Variants in ENOSF1 observed in about 807,000 individuals in gnomAD.
ENOSF1 encodes the protein mitochondrial enolase superfamily member 1.
Under a neutral mutation model 68.2 loss-of-function variants are expected in ENOSF1, and 73 were observed. The ratio of observed to expected loss-of-function variants is 1.07; its 90% CI spans 0.89 to 1.30. The LOEUF is 1.30. ENOSF1 is among the 50% of genes most tolerant of loss of function. The probability of loss-of-function intolerance (pLI) is 0.00; values close to 1 mark genes in which losing one functional copy is unlikely to be tolerated. For synonymous variants in ENOSF1, 223 were observed against 210.4 expected, an observed-to-expected ratio of 1.06 and a Z score of -0.52; for missense variants, 589 against 554.5, an observed-to-expected ratio of 1.06 and a Z score of -0.62.
chr18:686,386 G>T lies in ENOSF1; in HGVS notation c.654-378C>A, dbSNP rs145552310. ...GTGCCGAGTAAGCCACACTGTGATAGACTGAATGGAAAGGGTCTGGTTTAC... is the reference window on the plus strand; with the variant it reads ...GTGCCGAGTAAGCCACACTGTGATATACTGAATGGAAAGGGTCTGGTTTAC... On this transcript the variant is annotated intron_variant, in intron 9 of 15. Coordinates refer to ENST00000647584, the MANE Select transcript of ENOSF1 (RefSeq NM_017512.7). 9.3e-4 allele frequency: 188 copies of T among 201,798 alleles called. 1 individual carries two copies. Among genetic ancestry groups the T allele is most frequent in the African/African-American group, 4.1e-3 (176 of 43,230 alleles). 12.5% of individuals were successfully genotyped at this position (201,798 alleles called of 1,614,324 possible).
rs1432730016 is a variant in ENOSF1 at position 672,536 on chromosome 18, G to C, written c.*1769C>G. 1 of 184,358 alleles carries C rather than the reference G, an allele frequency of 5.4e-6. No individual in the cohort carries two copies. Among genetic ancestry groups the C allele is most frequent in the Admixed American group, 5.7e-5 (1 of 17,550 alleles). The allele number at this position is 184,358 out of a possible 1,614,324, so 11.4% of individuals were successfully genotyped here. On this transcript the variant is annotated 3_prime_UTR_variant, in exon 16 of 16. Transcript: ENST00000647584. ...GGATTGTGGAATTCAAGTAAACGTA[G>C]AGCTACTATGAGTTACAGATTGACT...
intron 1 of ENOSF1, among the ~76,000 whole-genome samples, chr18:710,666 C>T (rs1568155664): frequency 6.6e-6 from 1 of 152,236 alleles, no homozygotes; most frequent in Non-Finnish European, 1.5e-5. Flanking sequence ...GCCCTCATGC[C>T]TGGCCTATAG....
At chr18:694,185 C>T in intron 4 of ENOSF1, 63 bp downstream of exon 4, 9 of 1,483,800 alleles carry the variant, frequency 6.1e-6, no homozygotes, top group Admixed American at 3.5e-5. Context: ...TTCCTCTGTG[C>T]GTAGGGAAAG....
At chr18:682,715 C>CA (rs35814994) in intron 11 of ENOSF1, among the ~76,000 whole-genome samples, 5,707 of 56,578 alleles carry the variant, frequency 0.1, 252 homozygotes, top group African/African-American at 0.16. Flanking sequence ...CTAAAAATAC[C>CA]AAAAAAAAAA....
chr18:706,645 G>A, intron 1 of ENOSF1, 67 bp from the exon 2 acceptor site: 9 of 1,187,492 alleles, frequency 7.6e-6, no homozygotes, highest in Non-Finnish European at 1.0e-5. Context: ...CCATGAGAAT[G>A]ATGTCACATG....
intron 5 of ENOSF1, chr18:692,704 A>G (rs747723570): frequency 3.0e-6 from 3 of 990,002 alleles, no homozygotes; most frequent in Non-Finnish European, 3.6e-6. Context: ...CCTCAGGCAC[A>G]TTTCTGGTGG....
At chr18:675,108 G>C (rs1465906943) in intron 15 of ENOSF1, among the ~76,000 whole-genome samples, 2 of 152,244 alleles carry the variant, frequency 1.3e-5, no homozygotes, top group Non-Finnish European at 2.9e-5. Flanking sequence ...GGAAAGGCTA[G>C]TATTACAGAA....
At chr18:691,313 A>C (rs757500625) in intron 5 of ENOSF1, 37 bp from the exon 6 acceptor site, 1 of 1,517,618 alleles carries the variant, frequency 6.6e-7, no homozygotes, top group Non-Finnish European at 9.1e-7. Flanking sequence ...GCCTGAATCA[A>C]TTATAAGGTG....
intron 11 of ENOSF1, among the ~76,000 whole-genome samples, chr18:682,756 A>T (rs2076198613): frequency 6.6e-6 from 1 of 150,842 alleles, no homozygotes; most frequent in African/African-American, 2.4e-5. Context: ...GGTGGCACAC[A>T]TCTGTAGTCC....
downstream of ENOSF1, chr18:669,257 G>C (rs552913592): frequency 7.6e-5 from 90 of 1,184,532 alleles, no homozygotes; most frequent in African/African-American, 1.3e-3. Flanking sequence ...GCACCTGAGG[G>C]AGGCAGGACC....
intron 14 of ENOSF1, among the ~76,000 whole-genome samples, chr18:676,145 C>T (rs2144550975): frequency 6.6e-6 from 1 of 152,310 alleles, no homozygotes; most frequent in East Asian, 1.9e-4. Flanking sequence ...AATCTGTGTT[C>T]AGGTTCTGCG....
Position 683,361 on chromosome 18 carries a change from C to A in ENOSF1, c.761G>T (p.Arg254Leu), listed in dbSNP as rs1446158374. The A allele has an allele frequency of 3.1e-6, 5 of 1,614,132 alleles. No homozygotes were observed. The highest frequency in any genetic ancestry group is 3.3e-5 in the Admixed American group (2 of 60,024). The change falls in exon 11 of 16, where the codon CGC (arginine) becomes CTC (leucine). Residue 254 changes from arginine to leucine, a missense_variant. Arg to Leu is a moderately radical substitution (Grantham distance 102, BLOSUM62 -2). Coordinates refer to ENST00000647584, the MANE Select transcript of ENOSF1 (RefSeq NM_017512.7). ...CTCCACCGCCTCAGGCACATCCCAG[C>A]GCTGGTTGGCATCCATCATCTGCAA... The part of the protein sequence containing the change: ...EKTLMMDANQ[R>L]WDVPEAVEWM...
chr18:702,938 T>TA (rs1325083289), intron 2 of ENOSF1, among the ~76,000 whole-genome samples: 1 of 152,190 alleles, frequency 6.6e-6, no homozygotes, highest in Non-Finnish European at 1.5e-5. Flanking sequence ...CCTATTTTTT[T>TA]AAATCATAAA....
chr18:677,090 T>C (rs2075589962), intron 14 of ENOSF1, among the ~76,000 whole-genome samples: 2 of 151,900 alleles, frequency 1.3e-5, no homozygotes, highest in South Asian at 4.1e-4. Context: ...GTTAAGGGAG[T>C]AGTGTGGCTG....
At position 673,070 on chromosome 18, in the gene ENOSF1, T is replaced by C; in HGVS notation, c.*1235A>G. On this transcript the variant is annotated 3_prime_UTR_variant, in exon 16 of 16. Coordinates refer to ENST00000647584, the MANE Select transcript of ENOSF1 (RefSeq NM_017512.7). ...GGCTGGATGCCGAGGTAAAAGTTCT[T>C]TTTGCTCTAAAAGAAAAAGGAACTA... The C allele has an allele frequency of 7.0e-7, 1 of 1,424,044 alleles. No homozygotes were observed. Among genetic ancestry groups the C allele is most frequent in the Non-Finnish European group, 9.3e-7 (1 of 1,070,782 alleles). The allele number at this position is 1,424,044 out of a possible 1,614,324, so 88.2% of individuals were successfully genotyped here. A position where few individuals can be genotyped will look rare whatever the true frequency, so the allele number is the denominator to read the frequency against.
chr18:711,354 C>T (rs1884536074), intron 1 of ENOSF1, among the ~76,000 whole-genome samples: 1 of 152,118 alleles, frequency 6.6e-6, no homozygotes, highest in African/African-American at 2.4e-5. Flanking sequence ...ACCAGCTTGC[C>T]ATCCACCCAA....
intron 2 of ENOSF1, among the ~76,000 whole-genome samples, chr18:700,759 C>A (rs1269946959): frequency 3.3e-5 from 5 of 151,916 alleles, no homozygotes; most frequent in Non-Finnish European, 7.4e-5. Context: ...GTGGCACATG[C>A]CTGTAATCCC....
intron 12 of ENOSF1, 157 bp downstream of exon 12, chr18:678,539 G>A: frequency 1.4e-6 from 1 of 713,948 alleles, no homozygotes; most frequent in Non-Finnish European, 2.5e-6. Context: ...TCTGACTCTA[G>A]ACTCTGATAA....
intron 3 of ENOSF1, among the ~76,000 whole-genome samples, chr18:696,004 G>C (rs2077672276): frequency 6.6e-6 from 1 of 152,094 alleles, no homozygotes; most frequent in African/African-American, 2.4e-5. Flanking sequence ...ACAAAATCCA[G>C]TATCACGGGA....
Sources: allele counts gnomAD v4.1 joint callset (sites outside exome capture counted in the v4.1 genomes callset), GRCh38; gene constraint gnomAD v4.1.1; transcripts MANE v1.5; gene names NCBI Gene and HGNC (gene_info 2026-07-23, HGNC 2026-07-21).